Variants in NWD2 observed in about 807,000 individuals in gnomAD.
The protein encoded by NWD2 is NACHT and WD repeat domain-containing protein 2.
In NWD2, 37 loss-of-function variants were observed where a neutral mutation model predicts 132.7. The ratio of observed to expected loss-of-function variants is 0.28; its 90% CI spans 0.21 to 0.37. NWD2 has a LOEUF of 0.37. NWD2 is among the 10% of genes least tolerant of loss of function. The probability of loss-of-function intolerance (pLI) is 1.00; values close to 1 mark genes in which losing one functional copy is unlikely to be tolerated. For missense variants in NWD2, 1,592 were observed against 2,122.4 expected, an observed-to-expected ratio of 0.75 and a Z score of 4.91; for synonymous variants, 705 against 803.0, an observed-to-expected ratio of 0.88 and a Z score of 2.06.
At chr4:37,387,288 CA>C (rs1484416965) in intron 3 of NWD2, among the ~76,000 whole-genome samples, 1 of 151,642 alleles carries the variant, frequency 6.6e-6, no homozygotes, top group Non-Finnish European at 1.5e-5. Flanking sequence ...ATTTCTACAC[CA>C]ATTTTTTTTA....
intron 1 of NWD2, among the ~76,000 whole-genome samples, chr4:37,264,072 C>G (rs1468497131): frequency 6.6e-6 from 1 of 152,280 alleles, no homozygotes; most frequent in East Asian, 1.9e-4. Flanking sequence ...TCAGATTGGA[C>G]TGACCAACCC....
intron 1 of NWD2, among the ~76,000 whole-genome samples, chr4:37,263,113 C>T (rs938786302): frequency 2.0e-5 from 3 of 152,076 alleles, no homozygotes; most frequent in Non-Finnish European, 2.9e-5. Flanking sequence ...GATGTCACTC[C>T]CACCAGGGAC....
intron 3 of NWD2, among the ~76,000 whole-genome samples, chr4:37,387,922 C>T (rs1720597686): frequency 6.6e-6 from 1 of 150,570 alleles, no homozygotes; most frequent in Non-Finnish European, 1.5e-5. Flanking sequence ...GATCCACCTG[C>T]CTTGGCCTTG....
chr4:37,302,030 T>G (rs934935422), intron 1 of NWD2, among the ~76,000 whole-genome samples: 1 of 151,988 alleles, frequency 6.6e-6, no homozygotes, highest in Non-Finnish European at 1.5e-5. Flanking sequence ...AACTATAGTC[T>G]CCCTAAAGTA....
chr4:37,414,706 T>TGACATTTGGA (rs1184087983), intron 3 of NWD2, among the ~76,000 whole-genome samples: 1 of 152,182 alleles, frequency 6.6e-6, no homozygotes, highest in African/African-American at 2.4e-5. Context: ...TCTTATAGCC[T>TGACATTTGGA]GACATTTGGA....
intron 3 of NWD2, among the ~76,000 whole-genome samples, chr4:37,405,927 A>G (rs2109317232): frequency 6.6e-6 from 1 of 152,350 alleles, no homozygotes; most frequent in Non-Finnish European, 1.5e-5. Flanking sequence ...CCAGGTAGAC[A>G]GCAATTGATT....
chr4:37,443,664 T>C lies in NWD2; in HGVS notation c.1676T>C (p.Leu559Pro), dbSNP rs892139373. The C allele has an allele frequency of 6.4e-7, 1 of 1,551,978 alleles. No individual in the cohort carries two copies. The highest frequency in any genetic ancestry group is 2.0e-5 in the Admixed American group (1 of 50,972). The change falls in exon 7 of 7, where the codon CTT becomes CCT. Residue 559 changes from leucine (L) to proline (P), a missense_variant. By Grantham distance (98) the Leu-to-Pro change is moderately conservative. Coordinates refer to ENST00000309447, the MANE Select transcript of NWD2 (RefSeq NM_001144990.2). This position sits in a 1 kb window ranked among gnomAD's most constrained non-coding sequence, Gnocchi z 4.1. ...KHGILQKLRC[L>P]IHEEDNYIEL... is the part of the protein sequence containing the mutation. ...GGGATCTTGCAGAAACTAAGGTGCC[T>C]TATCCATGAAGAAGACAACTACATC...
intron 3 of NWD2, among the ~76,000 whole-genome samples, chr4:37,427,167 A>G (rs1264069577): frequency 2.0e-5 from 3 of 151,860 alleles, no homozygotes; most frequent in South Asian, 2.1e-4. Flanking sequence ...CCATCTGTAT[A>G]CTTTCTTGAA....
At chr4:37,397,135 C>T (rs1045108126) in intron 3 of NWD2, among the ~76,000 whole-genome samples, 3 of 152,054 alleles carry the variant, frequency 2.0e-5, no homozygotes, top group Admixed American at 2.0e-4. Context: ...TAGGGATGAG[C>T]ATCTCAGGAA....
At chr4:37,367,847 T>TCA (rs1397344255) in intron 3 of NWD2, among the ~76,000 whole-genome samples, 14 of 152,274 alleles carry the variant, frequency 9.2e-5, no homozygotes, top group African/African-American at 3.4e-4. Flanking sequence ...GATGTCTAAC[T>TCA]AGTAAGGGAT....
At chr4:37,261,655 C>T (rs1197976488) in intron 1 of NWD2, among the ~76,000 whole-genome samples, 1 of 152,224 alleles carries the variant, frequency 6.6e-6, no homozygotes, top group South Asian at 2.1e-4. Context: ...TAAACATACA[C>T]ATAGCCCCTA....
rs374102660 is a variant in NWD2 at position 37,394,808 on chromosome 4, T to TGTTTTG, written c.358-35764_358-35763insGTTTTG. ...ATAGTGAACCTTTATGGTTTTTTTT[T>TGTTTTG]TTTTTTTTTTTTTTTTTTTTGAGGC... On this transcript the variant is annotated intron_variant, in intron 3 of 6. Transcript: ENST00000309447. Among the ~76,000 whole-genome samples, 63 of 95,604 alleles carry TGTTTTG rather than the reference T, an allele frequency of 6.6e-4. 1 individual carries two copies. The highest frequency in any genetic ancestry group is 1.3e-3 in the East Asian group (4 of 3,144). The allele number at this position is 95,604 out of a possible 152,430, so 62.7% of individuals were successfully genotyped here.
chr4:37,247,762 A>G (rs983846364), intron 1 of NWD2, among the ~76,000 whole-genome samples: 2 of 151,976 alleles, frequency 1.3e-5, no homozygotes, highest in African/African-American at 4.8e-5. Context: ...GGTGCCCACC[A>G]CTACGCCCGG....
chr4:37,325,945 C>G lies in NWD2; in HGVS notation c.161C>G (p.Ala54Gly). The G allele has an allele frequency of 6.5e-7, 1 of 1,542,546 alleles. No homozygotes were observed. Among genetic ancestry groups the G allele is most frequent in the South Asian group, 1.2e-5 (1 of 83,626 alleles). Residue 54 changes from alanine (A) to glycine (G), a missense_variant, in exon 2 of 7, where the codon GCA (alanine) becomes GGA (glycine). Coordinates refer to ENST00000309447, the MANE Select transcript of NWD2 (RefSeq NM_001144990.2). The stretch of plus-strand genomic sequence containing the variant: ...TGTCTTTCTACTACAGATACGGGAG[C>G]AGAAAGACAGGCGCTAAGAGAAAAT... Reference protein sequence around the residue: ...FISANPEDTGAERQALRENVY... With the variant: ...FISANPEDTGGERQALRENVY...
chr4:37,287,685 G>C (rs571716877), intron 1 of NWD2, among the ~76,000 whole-genome samples: 7 of 152,330 alleles, frequency 4.6e-5, no homozygotes, highest in African/African-American at 1.7e-4. Flanking sequence ...CGCAGTCTTT[G>C]CAGTCAAGCA....
At chr4:37,308,509 G>A (rs949277381) in intron 1 of NWD2, among the ~76,000 whole-genome samples, 3 of 152,170 alleles carry the variant, frequency 2.0e-5, no homozygotes, top group Non-Finnish European at 2.9e-5. Flanking sequence ...ATTAGTGGCA[G>A]CAGCCATTAG....
At chr4:37,273,852 G>A (rs906620685) in intron 1 of NWD2, among the ~76,000 whole-genome samples, 83 of 152,124 alleles carry the variant, frequency 5.5e-4, no homozygotes, top group African/African-American at 1.9e-3. Context: ...ACGAAATGAA[G>A]GCAGAAATAA....
chr4:37,345,465 T>C (rs1719615470), intron 2 of NWD2, among the ~76,000 whole-genome samples: 1 of 152,188 alleles, frequency 6.6e-6, no homozygotes. Flanking sequence ...ACTAATAATA[T>C]TAAGCATCTT....
intron 1 of NWD2, among the ~76,000 whole-genome samples, chr4:37,306,917 G>A (rs1317679386): frequency 4.6e-5 from 7 of 151,940 alleles, no homozygotes; most frequent in Admixed American, 2.0e-4. Context: ...ACAGCTACTC[G>A]GAAGGCTGAG....
Sources: gnomAD v4.1 joint callset for allele counts (sites outside exome capture counted in the v4.1 genomes callset) on GRCh38, gnomAD v4.1.1 for gene constraint, Gnocchi (gnomAD v3.1) non-coding constraint, MANE v1.5 for transcripts, NCBI Gene and HGNC (gene_info 2026-07-23, HGNC 2026-07-21) for gene names.